Variants in ZSCAN4 observed in about 807,000 individuals in gnomAD.
The protein encoded by ZSCAN4 is zinc finger and SCAN domain-containing protein 4.
In ZSCAN4, 18 loss-of-function variants were observed where a neutral mutation model predicts 18.3. The observed-to-expected ratio is 0.98, with a 90% CI of 0.68 to 1.46. ZSCAN4 has a LOEUF of 1.46. ZSCAN4 is among the 40% of genes most tolerant of loss of function. ZSCAN4 has a pLI of 0.00. For synonymous variants in ZSCAN4, 193 were observed against 180.3 expected (o/e 1.07, Z -0.57); for missense variants, 498 against 511.4 (o/e 0.97, Z 0.25).
exon 3 of ZSCAN4, chr19:57,676,453 G>T (rs1280540323): frequency 4.3e-6 from 7 of 1,614,222 alleles, no homozygotes; most frequent in Non-Finnish European, 5.9e-6. Flanking sequence ...GACAAAGCCA[G>T]TGTGAAAGAG....
chr19:57,677,885 A>AT lies in ZSCAN4; in HGVS notation c.397-28dup, dbSNP rs747034311. ...GTCTTCTGTTACACAACAGATTCAG[A>AT]TACAACAGTGATCTGGCTTTCTTTA... On this transcript the variant is annotated intron_variant, in intron 3 of 4. Coordinates refer to ENST00000318203, the Ensembl canonical transcript of ZSCAN4. 2.6e-6 allele frequency: 4 copies of AT among 1,509,450 alleles called. No homozygotes were observed. In the South Asian group the frequency reaches 5.5e-5, roughly 21 times the overall value. 93.5% of individuals were successfully genotyped at this position (1,509,450 alleles called of 1,614,324 possible). A position where few individuals can be genotyped will look rare whatever the true frequency, so the allele number is the denominator to read the frequency against.
intron 2 of ZSCAN4, among the ~76,000 whole-genome samples, chr19:57,671,341 A>G (rs1222320575): frequency 6.6e-6 from 1 of 152,108 alleles, no homozygotes; most frequent in Non-Finnish European, 1.5e-5. Context: ...TCTGGGAAAT[A>G]AGCCATAATA....
chr19:57,678,733 T>C (rs1473056309), exon 5 of ZSCAN4: 1 of 1,614,092 alleles, frequency 6.2e-7, no homozygotes. Flanking sequence ...AAAAAGTCCT[T>C]CAGCCACAAA....
At chr19:57,657,206 A>G in the ZSCAN4 span, among the ~76,000 whole-genome samples, 4 of 148,338 alleles carry the variant, frequency 2.7e-5, no homozygotes, top group Middle Eastern at 3.6e-3. Flanking sequence ...CAGTCAGCTG[A>G]GATCGCGCCA....
At chr19:57,666,851 G>A (rs1048842035), upstream of ZSCAN4, among the ~76,000 whole-genome samples, 8 of 152,058 alleles carry the variant, frequency 5.3e-5, no homozygotes, top group East Asian at 5.8e-4. Flanking sequence ...ACTTTGTCTC[G>A]AAAAAAATAG....
chr19:57,676,385 G>A (rs528409539), exon 3 of ZSCAN4: 2 of 1,614,202 alleles, frequency 1.2e-6, no homozygotes, highest in Admixed American at 1.7e-5. Context: ...AGCACAGCAA[G>A]GATGAAATTA....
chr19:57,670,329 A>C (rs1983979996), exon 2 of ZSCAN4: 1 of 152,284 alleles, frequency 6.6e-6, no homozygotes. Flanking sequence ...TCAACAGACA[A>C]GTGTTATCCA....
chr19:57,659,722 C>T, the ZSCAN4 span, among the ~76,000 whole-genome samples: 1 of 152,286 alleles, frequency 6.6e-6, no homozygotes, highest in African/African-American at 2.4e-5. Flanking sequence ...CTATATTCTG[C>T]TACCAAAACC....
At chr19:57,663,451 C>T in the ZSCAN4 span, among the ~76,000 whole-genome samples, 1 of 139,360 alleles carries the variant, frequency 7.2e-6, no homozygotes, top group African/African-American at 2.7e-5. Context: ...TTTGGGAGGC[C>T]GAGGCGGGAG....
chr19:57,660,950 T>C, the ZSCAN4 span, among the ~76,000 whole-genome samples: 1 of 152,188 alleles, frequency 6.6e-6, no homozygotes, highest in African/African-American at 2.4e-5. Flanking sequence ...GTTACTACGA[T>C]TTTTGAAGAA....
intron 2 of ZSCAN4, among the ~76,000 whole-genome samples, chr19:57,674,863 C>A (rs1484599021): frequency 6.6e-6 from 1 of 151,830 alleles, no homozygotes; most frequent in Non-Finnish European, 1.5e-5. Flanking sequence ...GGTTAGGGAG[C>A]AATCCAATGT....
At chr19:57,676,124 T>C (rs370238427) in exon 3 of ZSCAN4, 1 of 1,578,296 alleles carries the variant, frequency 6.3e-7, no homozygotes, top group Non-Finnish European at 8.6e-7. Flanking sequence ...AAGTAAAGTC[T>C]CTCTGAGAAT....
At chr19:57,667,894 T>TGTTTG (rs112338176), upstream of ZSCAN4, among the ~76,000 whole-genome samples, 5 of 37,868 alleles carry the variant, frequency 1.3e-4, no homozygotes, top group South Asian at 1.4e-3. Context: ...TTTGTTTGTT[T>TGTTTG]TTTGTTTGTT....
the ZSCAN4 span, among the ~76,000 whole-genome samples, chr19:57,660,990 G>T: frequency 6.6e-6 from 1 of 152,148 alleles, no homozygotes; most frequent in Non-Finnish European, 1.5e-5. Flanking sequence ...CAGCAACAGT[G>T]TTTGGACTTT....
the ZSCAN4 span, among the ~76,000 whole-genome samples, chr19:57,657,025 C>T: frequency 6.6e-5 from 10 of 151,438 alleles, no homozygotes; most frequent in Non-Finnish European, 1.2e-4. Flanking sequence ...GAAGGCGGAT[C>T]ACTTGAGGAC....
chr19:57,660,336 T>A, the ZSCAN4 span, among the ~76,000 whole-genome samples: 2 of 152,308 alleles, frequency 1.3e-5, no homozygotes, highest in South Asian at 2.1e-4. Flanking sequence ...GCTACAGACA[T>A]GTTAAGAACA....
the ZSCAN4 span, among the ~76,000 whole-genome samples, chr19:57,659,560 C>G: frequency 7.9e-5 from 12 of 152,174 alleles, no homozygotes. Flanking sequence ...TGCACCTGGT[C>G]TCAATAAATA....
intron 2 of ZSCAN4, among the ~76,000 whole-genome samples, chr19:57,674,646 T>C (rs1179100898): frequency 1.3e-5 from 2 of 152,114 alleles, no homozygotes; most frequent in African/African-American, 4.8e-5. Context: ...TGCAGGTGTC[T>C]TTTTTTATAT....
At chr19:57,667,964 C>A (rs561754691), upstream of ZSCAN4, among the ~76,000 whole-genome samples, 1 of 152,094 alleles carries the variant, frequency 6.6e-6, no homozygotes, top group East Asian at 1.9e-4. Flanking sequence ...AGCAGTGGTG[C>A]GATCTTGGCT....
Sources: gnomAD v4.1 joint callset for allele counts (sites outside exome capture counted in the v4.1 genomes callset) on GRCh38, gnomAD v4.1.1 for gene constraint, MANE v1.5 for transcripts, NCBI Gene and HGNC (gene_info 2026-07-23, HGNC 2026-07-21) for gene names.